Variants in DOCK8 observed in about 807,000 individuals in gnomAD.
The protein encoded by DOCK8 is dedicator of cytokinesis 8.
DOCK8 carries 141 observed loss-of-function variants against 245.6 expected under a neutral mutation model. The ratio of observed to expected loss-of-function variants is 0.57; its 90% CI spans 0.50 to 0.66. The LOEUF (loss-of-function observed/expected upper bound fraction) is 0.66. Among genes scored for constraint, DOCK8 ranks in the 30% least tolerant of loss-of-function variants. The pLI, the probability that DOCK8 is intolerant of heterozygous loss-of-function variation, is 0.00. For synonymous variants in DOCK8, 1,168 were observed against 970.2 expected, an observed-to-expected ratio of 1.20 and a Z score of -3.79; for missense variants, 2,965 against 2,603.4, an observed-to-expected ratio of 1.14 and a Z score of -3.02.
At chr9:342,845 T>G (rs2051677096) in intron 14 of DOCK8, among the ~76,000 whole-genome samples, 1 of 152,206 alleles carries the variant, frequency 6.6e-6, no homozygotes. Context: ...TGATACGCAT[T>G]TAAGTCTTTT....
At chr9:312,790 A>G (rs2050183323) in intron 6 of DOCK8, 3 of 310,154 alleles carry the variant, frequency 9.7e-6, no homozygotes, top group African/African-American at 6.6e-5. Context: ...GGTGACGATT[A>G]TTCAAGCCTT....
chr9:245,471 G>C (rs1002173347), intron 1 of DOCK8, among the ~76,000 whole-genome samples: 4 of 152,126 alleles, frequency 2.6e-5, no homozygotes, highest in African/African-American at 9.7e-5. Flanking sequence ...GCCTCCCAAA[G>C]TGCTGGGATT....
At chr9:245,917 G>A (rs540305731) in intron 1 of DOCK8, among the ~76,000 whole-genome samples, 2 of 152,162 alleles carry the variant, frequency 1.3e-5, no homozygotes, top group Non-Finnish European at 2.9e-5. Context: ...GCAAACAAAA[G>A]CAATTAAAAA....
At chr9:242,580 A>G (rs1248504030) in intron 1 of DOCK8, among the ~76,000 whole-genome samples, 2 of 152,224 alleles carry the variant, frequency 1.3e-5, no homozygotes, top group South Asian at 4.1e-4. Flanking sequence ...CCAAAAAGTT[A>G]AGAGTGTTCT....
At chr9:270,217 A>C (rs2048127050) in intron 1 of DOCK8, among the ~76,000 whole-genome samples, 1 of 152,208 alleles carries the variant, frequency 6.6e-6, no homozygotes. Context: ...TAAGGAGCAA[A>C]ATGTATGCTT....
intron 1 of DOCK8, among the ~76,000 whole-genome samples, chr9:250,424 G>C (rs1477027009): frequency 6.6e-6 from 1 of 152,116 alleles, no homozygotes; most frequent in East Asian, 1.9e-4. Context: ...CTGAGAAAAA[G>C]ACCATTTACA....
At chr9:423,472 A>C (rs1456944341) in intron 33 of DOCK8, among the ~76,000 whole-genome samples, 1 of 152,204 alleles carries the variant, frequency 6.6e-6, no homozygotes, top group Non-Finnish European at 1.5e-5. Flanking sequence ...CACCCATCAA[A>C]GGGGGTATGG....
At chr9:234,892 C>G (rs1349675970) in intron 1 of DOCK8, among the ~76,000 whole-genome samples, 1 of 152,180 alleles carries the variant, frequency 6.6e-6, no homozygotes, top group Admixed American at 6.5e-5. Flanking sequence ...CTTCTTCTCT[C>G]AACTCATCAA....
Position 399,243 on chromosome 9 carries a change from G to C in DOCK8, c.3218G>C (p.Arg1073Thr), listed in dbSNP as rs531307483. 1 of 1,613,536 alleles carries C rather than the reference G, an allele frequency of 6.2e-7. No individual in the cohort carries two copies. The highest frequency in any genetic ancestry group is 1.7e-5 in the Admixed American group (1 of 59,996). The part of the protein sequence containing the change: ...MDRGFVFNLI[R>T]HYCSQLSAKL... ...CGGGGCTTTGTGTTTAACCTCATCA[G>C]ACATTATTGCAGCCAGGTGAGTGTC... The change falls in exon 26 of 48, where the codon AGA becomes ACA. Residue 1073 changes from arginine (R) to threonine (T), a missense_variant. Physicochemically the swap from Arg to Thr is moderately conservative, Grantham distance 71 (BLOSUM62 -1). This residue lies in a region of DOCK8 where 2,825 missense variants were observed against 2,453.5 expected (regional missense o/e 1.15). Coordinates refer to ENST00000432829, the MANE Select transcript of DOCK8 (RefSeq NM_203447.4).
intron 26 of DOCK8, among the ~76,000 whole-genome samples, chr9:400,901 A>ACCT: frequency 9.7e-6 from 1 of 103,282 alleles, no homozygotes; most frequent in Middle Eastern, 5.4e-3. Flanking sequence ...CACCTCCCCC[A>ACCT]CTACCAACAG....
chr9:460,536 C>T (rs551965556), intron 46 of DOCK8: 2 of 152,362 alleles, frequency 1.3e-5, no homozygotes, highest in East Asian at 3.9e-4. Context: ...TCTCAGGATT[C>T]AAAGGCCATA....
chr9:222,493 G>A (rs572521471), intron 1 of DOCK8, among the ~76,000 whole-genome samples: 3 of 152,174 alleles, frequency 2.0e-5, no homozygotes, highest in South Asian at 4.2e-4. Context: ...GTGGCCCTAC[G>A]AATGCTCCTT....
intron 1 of DOCK8, among the ~76,000 whole-genome samples, chr9:234,066 TC>T (rs2047188526): frequency 6.6e-6 from 1 of 152,146 alleles, no homozygotes; most frequent in East Asian, 1.9e-4. Flanking sequence ...GGTGCTTCCT[TC>T]AGGAGCTCTT....
intron 4 of DOCK8, among the ~76,000 whole-genome samples, chr9:295,572 AG>A (rs1000412166): frequency 6.6e-6 from 1 of 152,184 alleles, no homozygotes; most frequent in Admixed American, 6.5e-5. Flanking sequence ...CGCACCATGG[AG>A]GGGGGACCTG....
At chr9:438,582 A>T (rs1230984473) in intron 39 of DOCK8, among the ~76,000 whole-genome samples, 1 of 152,148 alleles carries the variant, frequency 6.6e-6, no homozygotes, top group Non-Finnish European at 1.5e-5. Flanking sequence ...AAAAGCGAGT[A>T]CCTCTCTAAA....
intron 9 of DOCK8, among the ~76,000 whole-genome samples, chr9:330,944 T>A (rs1288635813): frequency 6.6e-6 from 1 of 152,230 alleles, no homozygotes; most frequent in Non-Finnish European, 1.5e-5. Flanking sequence ...ATCTGACTTC[T>A]CCTGCTTCCT....
chr9:221,190 CATT>C (rs2046874728), intron 1 of DOCK8, among the ~76,000 whole-genome samples: 1 of 152,110 alleles, frequency 6.6e-6, no homozygotes, highest in African/African-American at 2.4e-5. Flanking sequence ...GGGTACAAGA[CATT>C]ATGTCATGTC....
intron 12 of DOCK8, among the ~76,000 whole-genome samples, chr9:337,583 T>C (rs2051371531): frequency 6.6e-6 from 1 of 152,188 alleles, no homozygotes; most frequent in Non-Finnish European, 1.5e-5. Context: ...TTTCCAGGGC[T>C]CCCTGCTTGC....
At chr9:425,400 CG>C (rs1433090758) in intron 33 of DOCK8, among the ~76,000 whole-genome samples, 2 of 151,992 alleles carry the variant, frequency 1.3e-5, no homozygotes, top group East Asian at 1.9e-4. Context: ...GGCGCGGTGG[CG>C]GGCGCCTGTA....
Sources: gnomAD v4.1 joint callset for allele counts (sites outside exome capture counted in the v4.1 genomes callset) on GRCh38, gnomAD v4.1.1 for gene constraint, gnomAD v4.1.1 regional missense constraint, MANE v1.5 for transcripts, NCBI Gene and HGNC (gene_info 2026-07-23, HGNC 2026-07-21) for gene names.